The following NWD1 variants were observed in gnomAD, a reference collection of about 807,000 sequenced individuals.
NWD1 encodes NACHT and WD repeat domain containing 1.
A neutral mutation model predicts 135.1 loss-of-function variants in NWD1; 129 were observed. The ratio of observed to expected loss-of-function variants is 0.96; its 90% CI spans 0.83 to 1.11. The LOEUF (loss-of-function observed/expected upper bound fraction) is 1.11. Among genes scored for constraint, NWD1 ranks in the 50% least tolerant of loss-of-function variants. NWD1 has a pLI of 0.00. For missense variants in NWD1, 1,740 were observed against 1,851.3 expected (o/e 0.94, Z 1.10); for synonymous variants, 773 against 786.0 (o/e 0.98, Z 0.28).
chr19:16,802,286 T>TAAATAAAAATAAAAATAA lies in NWD1; in HGVS notation c.3736+2131_3736+2148dup, dbSNP rs368646576. Among the ~76,000 whole-genome samples the TAAATAAAAATAAAAATAA allele has an allele frequency of 7.6e-5, 11 of 144,052 alleles. 1 individual carries two copies. Among genetic ancestry groups the TAAATAAAAATAAAAATAA allele is most frequent in the South Asian group, 4.5e-4 (2 of 4,436 alleles). 94.5% of individuals were successfully genotyped at this position (144,052 alleles called of 152,430 possible). A position where few individuals can be genotyped will look rare whatever the true frequency, so the allele number is the denominator to read the frequency against. Reference sequence around the variant, plus strand: ...AGACTCTGTCTCAAAAATAAATAAATAAATAAAAATAAAAATAAAAATAAT... The same window carrying TAAATAAAAATAAAAATAA: ...AGACTCTGTCTCAAAAATAAATAAATAAATAAAAATAAAAATAAAAATAAAAATAAAAATAAAAATAAT... On this transcript the variant is annotated intron_variant, in intron 17 of 18. Coordinates refer to ENST00000524140, the MANE Select transcript of NWD1 (RefSeq NM_001007525.5).
chr19:16,808,274 G>A, intron 18 of NWD1, 138 bp downstream of exon 18: 6 of 765,484 alleles, frequency 7.8e-6, no homozygotes, highest in Non-Finnish European at 1.3e-5. Flanking sequence ...ACTTGGTCAG[G>A]CGCAGTGGCT....
At chr19:16,789,269 A>T (rs1363521988) in intron 13 of NWD1, 79 bp downstream of exon 13, 14 of 1,127,680 alleles carry the variant, frequency 1.2e-5, no homozygotes, top group Non-Finnish European at 1.8e-5. Context: ...TTCTATAAGG[A>T]GGGCTCCCTG....
At chr19:16,788,476 C>T (rs775512364) in intron 12 of NWD1, among the ~76,000 whole-genome samples, 10 of 144,612 alleles carry the variant, frequency 6.9e-5, no homozygotes, top group African/African-American at 7.8e-5. Context: ...GGCTGAGGCA[C>T]GAGAATCACT....
intron 17 of NWD1, among the ~76,000 whole-genome samples, chr19:16,807,209 C>A (rs1469727530): frequency 6.6e-6 from 1 of 150,490 alleles, no homozygotes; most frequent in Middle Eastern, 3.5e-3. Flanking sequence ...AATATGAACA[C>A]CAGGCCGGGT....
chr19:16,726,822 TG>T (rs2122674833), intron 2 of NWD1, among the ~76,000 whole-genome samples: 1 of 152,300 alleles, frequency 6.6e-6, no homozygotes, highest in African/African-American at 2.4e-5. Flanking sequence ...CATTGTTAGA[TG>T]TTGAGCAGCA....
intron 17 of NWD1, among the ~76,000 whole-genome samples, chr19:16,802,310 A>G (rs1970626025): frequency 6.6e-6 from 1 of 151,320 alleles, no homozygotes; most frequent in Non-Finnish European, 1.5e-5. Flanking sequence ...AATAAAAATA[A>G]TGAGCTGGGC....
intron 2 of NWD1, among the ~76,000 whole-genome samples, chr19:16,727,839 T>C (rs1967390310): frequency 6.6e-6 from 1 of 152,036 alleles, no homozygotes; most frequent in South Asian, 2.1e-4. Context: ...GGCGGGTGGA[T>C]CACTTGAGGT....
intron 12 of NWD1, among the ~76,000 whole-genome samples, chr19:16,787,795 G>T (rs771267844): frequency 2.0e-5 from 3 of 151,458 alleles, no homozygotes; most frequent in Non-Finnish European, 2.9e-5. Flanking sequence ...ATGAGACACA[G>T]GTTGCAGTGA....
At position 16,749,459 on chromosome 19, in the gene NWD1, G is replaced by A. The variant is rs370922918; in HGVS notation, c.817G>A (p.Ala273Thr). Residue 273 changes from alanine to threonine, a missense_variant, in exon 6 of 19, where the codon GCC becomes ACC. Coordinates refer to ENST00000524140, the MANE Select transcript of NWD1 (RefSeq NM_001007525.5). ...KELGEQFVVR[A>T]NHQVLTRLRE... is the part of the protein sequence containing the mutation. ...GCTGGGTGAGCAGTTTGTGGTGAGG[G>A]CCAATCACCAGGTCCTCACACGCCT... 1.2e-4 allele frequency: 198 copies of A among 1,612,868 alleles called. No individual in the cohort carries two copies. The highest frequency in any genetic ancestry group is 1.6e-4 in the Non-Finnish European group (187 of 1,179,034).
chr19:16,784,872 T>G (rs1969985383), intron 12 of NWD1, among the ~76,000 whole-genome samples: 1 of 137,976 alleles, frequency 7.2e-6, no homozygotes, highest in Non-Finnish European at 1.5e-5. Context: ...GAGGTTGCAG[T>G]GAGCCGAGAT....
chr19:16,809,196 G>C (rs552176960), intron 18 of NWD1, among the ~76,000 whole-genome samples: 1 of 151,104 alleles, frequency 6.6e-6, no homozygotes, highest in Non-Finnish European at 1.5e-5. Context: ...CAACTCTCCC[G>C]CCTCGGCCTC....
At chr19:16,791,931 C>A (rs1970261384) in intron 14 of NWD1, among the ~76,000 whole-genome samples, 1 of 152,116 alleles carries the variant, frequency 6.6e-6, no homozygotes, top group African/African-American at 2.4e-5. Flanking sequence ...TCAGGCTGGT[C>A]TCAAACTCCC....
chr19:16,743,784 G>A (rs1039176973), intron 4 of NWD1, among the ~76,000 whole-genome samples: 2 of 152,038 alleles, frequency 1.3e-5, no homozygotes, highest in African/African-American at 2.4e-5. Context: ...CCGGGTTCAA[G>A]CAATTCTCCT....
intron 12 of NWD1, among the ~76,000 whole-genome samples, chr19:16,788,186 C>T (rs116294530): frequency 0.046 from 6,700 of 145,516 alleles, 499 homozygotes; most frequent in African/African-American, 0.16. Flanking sequence ...GCCAGGGCCA[C>T]GCCACTGCAC....
In NWD1 at chr19:16,759,217, C is replaced by G; in HGVS notation, c.1770-8C>G. On this transcript the variant is annotated splice_region_variant and splice_polypyrimidine_tract_variant and intron_variant, in intron 6 of 18. Coordinates refer to ENST00000524140, the MANE Select transcript of NWD1 (RefSeq NM_001007525.5). The stretch of plus-strand genomic sequence containing the variant: ...TGTGCCTCAAAGCCCCACTGGTCCT[C>G]CCTTCAGACACGGTCTCTCGGAGGC... 1 of 1,611,360 alleles carries G rather than the reference C, an allele frequency of 6.2e-7. No individual in the cohort carries two copies. Among genetic ancestry groups the G allele is most frequent in the Non-Finnish European group, 8.5e-7 (1 of 1,177,624 alleles).
Position 16,765,285 on chromosome 19 carries a change from C to A in NWD1, c.2410+93C>A, listed in dbSNP as rs536726278. 2.4e-5 allele frequency: 31 copies of A among 1,268,180 alleles called. No individual in the cohort carries two copies. In the East Asian group the frequency reaches 7.3e-4, roughly 30 times the overall value. The allele number at this position is 1,268,180 out of a possible 1,614,324, so 78.6% of individuals were successfully genotyped here. A position where few individuals can be genotyped will look rare whatever the true frequency, so the allele number is the denominator to read the frequency against. ...ATTGAGTCATGAGCTGGATTTTCATCAATTCTCATACCTTTCCTGTCTAAA... is the reference window on the plus strand; with the variant it reads ...ATTGAGTCATGAGCTGGATTTTCATAAATTCTCATACCTTTCCTGTCTAAA... On this transcript the variant is annotated intron_variant, in intron 10 of 18. Transcript: ENST00000524140.
At position 16,744,420 on chromosome 19, in the gene NWD1, G is replaced by A. The variant is rs1279239656; in HGVS notation, c.199-1G>A. 6.5e-6 allele frequency: 10 copies of A among 1,535,412 alleles called. No homozygotes were observed. In the East Asian group the frequency reaches 2.4e-4, roughly 38 times the overall value. The stretch of plus-strand genomic sequence containing the variant: ...TGAATCTGTGACTTCCTCTCTGCCA[G>A]GCCCTCATCGGTGATCAGTACGGCC... On this transcript the variant is annotated splice_acceptor_variant, in intron 4 of 18. Coordinates refer to ENST00000524140, the MANE Select transcript of NWD1 (RefSeq NM_001007525.5). LOFTEE classifies it high-confidence loss of function.
intron 16 of NWD1, among the ~76,000 whole-genome samples, chr19:16,798,632 C>T (rs1279268327): frequency 6.6e-6 from 1 of 152,030 alleles, no homozygotes; most frequent in East Asian, 1.9e-4. Flanking sequence ...GAATAATTTT[C>T]TTTATTTTTT....
chr19:16,806,425 T>A (rs1970747215), intron 17 of NWD1, among the ~76,000 whole-genome samples: 1 of 152,130 alleles, frequency 6.6e-6, no homozygotes, highest in Non-Finnish European at 1.5e-5. Flanking sequence ...CTGGCCCCCT[T>A]GCTTCAAGAT....
Sources: allele counts gnomAD v4.1 joint callset (sites outside exome capture counted in the v4.1 genomes callset), GRCh38; gene constraint gnomAD v4.1.1; transcripts MANE v1.5; gene names NCBI Gene and HGNC (gene_info 2026-07-23, HGNC 2026-07-21).